The following CLASP1 variants were observed in gnomAD, a reference collection of about 807,000 sequenced individuals.
CLASP1 encodes the protein CLIP-associating protein 1.
Under a neutral mutation model 192.3 loss-of-function variants are expected in CLASP1, and 38 were observed. That is an observed-to-expected ratio of 0.20 (90% CI 0.15 to 0.26). The LOEUF (loss-of-function observed/expected upper bound fraction) is 0.26, where lower values mean the gene tolerates loss of function less well. Ranked by LOEUF, CLASP1 falls within the 10% of genes least tolerant of loss-of-function variation. The probability of loss-of-function intolerance (pLI) is 1.00; values close to 1 mark genes in which losing one functional copy is unlikely to be tolerated. For missense variants in CLASP1, 1,433 were observed against 1,932.5 expected (o/e 0.74, Z 4.85); for synonymous variants, 691 against 712.8 (o/e 0.97, Z 0.49).
Position 121,367,492 on chromosome 2 carries a change from A to G in CLASP1, c.3886+96T>C, listed in dbSNP as rs1466175804. On this transcript the variant is annotated intron_variant, in intron 35 of 39. Coordinates refer to ENST00000263710, the Ensembl canonical transcript of CLASP1. ...CAGAAAGAACAGACCCAGCGTCTCC[A>G]TTTACATCTGACCAGTGGGCCTGGT... The G allele has an allele frequency of 2.6e-6, 4 of 1,518,852 alleles. No homozygotes were observed. In the African/African-American group the frequency reaches 4.1e-5, roughly 16 times the overall value. 94.1% of individuals were successfully genotyped at this position (1,518,852 alleles called of 1,614,324 possible).
chr2:121,632,616 G>A (rs139721925), intron 1 of CLASP1, among the ~76,000 whole-genome samples: 12 of 152,190 alleles, frequency 7.9e-5, no homozygotes, highest in African/African-American at 1.9e-4. Flanking sequence ...AGTAAAATGC[G>A]CTGGACGCGG....
intron 37 of CLASP1, among the ~76,000 whole-genome samples, chr2:121,350,809 C>G (rs61571074): frequency 0.038 from 5,830 of 152,280 alleles, 158 homozygotes; most frequent in East Asian, 0.14. Flanking sequence ...GAAGAAAGTG[C>G]ATCAAGGGTT....
At chr2:121,503,102 TATAAC>T in intron 8 of CLASP1, 60 bp downstream of exon 8, 1 of 1,012,654 alleles carries the variant, frequency 9.9e-7, no homozygotes, top group Non-Finnish European at 1.5e-6. Flanking sequence ...GCTCTTCACA[TATAAC>T]ATAAATGATG....
At chr2:121,349,935 T>C (rs901965642) in intron 37 of CLASP1, among the ~76,000 whole-genome samples, 1 of 152,116 alleles carries the variant, frequency 6.6e-6, no homozygotes, top group Non-Finnish European at 1.5e-5. Context: ...AAACTCCATG[T>C]CCTCATCTGT....
At chr2:121,641,450 AT>A (rs2072056840) in intron 1 of CLASP1, among the ~76,000 whole-genome samples, 6 of 152,220 alleles carry the variant, frequency 3.9e-5, no homozygotes. Flanking sequence ...GGCCACAAAA[AT>A]GTAAAAAGAT....
At chr2:121,527,740 A>C (rs1233035879) in intron 5 of CLASP1, 59 bp downstream of exon 5, 1 of 1,301,144 alleles carries the variant, frequency 7.7e-7, no homozygotes, top group African/African-American at 1.5e-5. Context: ...AATTATTTCA[A>C]AATAAAAAGT....
intron 26 of CLASP1, among the ~76,000 whole-genome samples, chr2:121,402,304 T>A (rs1197044872): frequency 2.0e-5 from 3 of 152,230 alleles, no homozygotes; most frequent in African/African-American, 7.2e-5. Context: ...AACATAATCA[T>A]CATGCTGTTG....
intron 2 of CLASP1, 40 bp downstream of exon 2, chr2:121,605,661 C>T (rs768006158): frequency 1.9e-6 from 3 of 1,545,720 alleles, no homozygotes; most frequent in African/African-American, 1.4e-5. Context: ...ACCAGTGCAG[C>T]CCAGCCACCT....
chr2:121,448,903 T>C, intron 17 of CLASP1, 50 bp downstream of exon 17: 1 of 1,570,288 alleles, frequency 6.4e-7, no homozygotes, highest in Non-Finnish European at 8.7e-7. Flanking sequence ...TGTGACAAAC[T>C]TTTAAATACA....
chr2:121,437,917 T>C (rs575233490), intron 19 of CLASP1, among the ~76,000 whole-genome samples: 1 of 152,368 alleles, frequency 6.6e-6, no homozygotes, highest in South Asian at 2.1e-4. Context: ...AATAGTAATG[T>C]ATTCTCAACT....
intron 19 of CLASP1, 127 bp from the exon 20 acceptor site, chr2:121,430,304 G>T: frequency 1.5e-6 from 1 of 657,604 alleles, no homozygotes; most frequent in South Asian, 1.9e-5. Flanking sequence ...CAGCTTCTGT[G>T]AGCAGATCCT....
chr2:121,593,417 C>G (rs943979487), intron 2 of CLASP1, among the ~76,000 whole-genome samples: 6 of 151,798 alleles, frequency 4.0e-5, no homozygotes, highest in African/African-American at 1.5e-4. Context: ...GTCAGGAGTT[C>G]GAGACCAGCC....
intron 1 of CLASP1, among the ~76,000 whole-genome samples, chr2:121,632,118 C>T (rs968830491): frequency 2.0e-5 from 3 of 152,174 alleles, no homozygotes; most frequent in East Asian, 1.9e-4. Flanking sequence ...GTAGTATGCA[C>T]CTGTAGTCCC....
At chr2:121,467,657 CT>C (rs1278824606) in intron 9 of CLASP1, among the ~76,000 whole-genome samples, 2 of 151,864 alleles carry the variant, frequency 1.3e-5, no homozygotes, top group Non-Finnish European at 2.9e-5. Flanking sequence ...GTTGTTTTTT[CT>C]TGTAAATTTA....
chr2:121,645,962 C>T (rs993473084), intron 1 of CLASP1, among the ~76,000 whole-genome samples: 4 of 152,212 alleles, frequency 2.6e-5, no homozygotes, highest in African/African-American at 9.6e-5. Flanking sequence ...TAGTCAAACA[C>T]ATATACCCGT....
chr2:121,588,438 T>A (rs965502482), intron 2 of CLASP1, among the ~76,000 whole-genome samples: 8 of 152,122 alleles, frequency 5.3e-5, no homozygotes, highest in Non-Finnish European at 1.5e-5. Context: ...TAAGGATAAA[T>A]CCTCGATTTA....
chr2:121,363,403 C>T, intron 36 of CLASP1, 103 bp from the exon 38 acceptor site: 1 of 1,391,258 alleles, frequency 7.2e-7, no homozygotes, highest in Non-Finnish European at 9.8e-7. Flanking sequence ...TTCTGGGTTC[C>T]CTGGAACCTC....
At chr2:121,582,499 G>C (rs1282781075) in intron 2 of CLASP1, among the ~76,000 whole-genome samples, 1 of 144,764 alleles carries the variant, frequency 6.9e-6, no homozygotes, top group Non-Finnish European at 1.5e-5. Flanking sequence ...AGAAGGGAGG[G>C]AGAAAGAAAG....
At chr2:121,533,318 A>G (rs1226460813) in intron 2 of CLASP1, among the ~76,000 whole-genome samples, 1 of 152,106 alleles carries the variant, frequency 6.6e-6, no homozygotes. Context: ...CTGGGTTTCC[A>G]TTTCCCTACT....
Sources: allele counts gnomAD v4.1 joint callset (sites outside exome capture counted in the v4.1 genomes callset), GRCh38; gene constraint gnomAD v4.1.1; transcripts MANE v1.5; gene names NCBI Gene and HGNC (gene_info 2026-07-23, HGNC 2026-07-21).